CDKN1A: variants seen among roughly 807,000 people sequenced by gnomAD.
The protein encoded by CDKN1A is cyclin dependent kinase inhibitor 1A.
Under a neutral mutation model 14.8 loss-of-function variants are expected in CDKN1A, and 14 were observed. The observed-to-expected ratio is 0.94, with a 90% CI of 0.62 to 1.48. The LOEUF (loss-of-function observed/expected upper bound fraction) is 1.48. Among genes scored for constraint, CDKN1A ranks in the 40% most tolerant of loss-of-function variants. The probability of loss-of-function intolerance (pLI) is 0.00; values close to 1 mark genes in which losing one functional copy is unlikely to be tolerated. For synonymous variants in CDKN1A, 92 were observed against 93.5 expected, an observed-to-expected ratio of 0.98 and a Z score of 0.09; for missense variants, 203 against 231.7, an observed-to-expected ratio of 0.88 and a Z score of 0.80.
At chr6:36,681,616 GC>G (rs1762010935) in intron 1 of CDKN1A, among the ~76,000 whole-genome samples, 1 of 99,076 alleles carries the variant, frequency 1.0e-5, no homozygotes, top group South Asian at 3.7e-4. Context: ...TTTTTGAGAT[GC>G]GGTCTCGCTC....
At chr6:36,681,408 C>CTTTCTTTCTTT (rs1562038520) in intron 1 of CDKN1A, among the ~76,000 whole-genome samples, 1 of 66,542 alleles carries the variant, frequency 1.5e-5, no homozygotes, top group Non-Finnish European at 2.9e-5. Flanking sequence ...TTTCTTTCTT[C>CTTTCTTTCTTT]CTTTCTCTTT....
chr6:36,683,837 T>A (rs1762096263), intron 1 of CDKN1A, among the ~76,000 whole-genome samples: 1 of 152,270 alleles, frequency 6.6e-6, no homozygotes, highest in African/African-American at 2.4e-5. Context: ...TCCTTGCTCT[T>A]GCAATAGACT....
chr6:36,681,291 TC>T (rs1370026998), intron 1 of CDKN1A, among the ~76,000 whole-genome samples: 40 of 115,360 alleles, frequency 3.5e-4, no homozygotes, highest in Non-Finnish European at 1.1e-4. Flanking sequence ...TTTCTTTCTT[TC>T]TTTCTTTCTT....
chr6:36,678,528 T>C (rs532710394), upstream of CDKN1A: 1 of 325,066 alleles, frequency 3.1e-6, no homozygotes, highest in Admixed American at 6.4e-5. This position sits in a 1 kb window ranked among gnomAD's most constrained non-coding sequence, Gnocchi z 5.7. Flanking sequence ...GCACGCGAGG[T>C]TCCGGGACCG....
chr6:36,682,127 A>G (rs551052451), intron 1 of CDKN1A, among the ~76,000 whole-genome samples: 1 of 152,142 alleles, frequency 6.6e-6, no homozygotes, highest in Non-Finnish European at 1.5e-5. Context: ...ACAGCACAGG[A>G]CTCAGGGCAA....
chr6:36,685,866 G>A lies in CDKN1A; in HGVS notation c.*66G>A. ...CTCAAAGGCCCGCTCTACATCTTCT[G>A]CCTTAGTCTCAGTTTGTGTGTCTTA... On this transcript the variant is annotated 3_prime_UTR_variant, in exon 3 of 3. Transcript: ENST00000244741. 1 of 1,386,870 alleles carries A rather than the reference G, an allele frequency of 7.2e-7. No homozygotes were observed. The highest frequency in any genetic ancestry group is 1.0e-6 in the Non-Finnish European group (1 of 974,812). 85.9% of individuals were successfully genotyped at this position (1,386,870 alleles called of 1,614,324 possible). A position where few individuals can be genotyped will look rare whatever the true frequency, so the allele number is the denominator to read the frequency against.
chr6:36,685,405 A>G (rs1047928819), intron 2 of CDKN1A, among the ~76,000 whole-genome samples: 3 of 152,254 alleles, frequency 2.0e-5, no homozygotes, highest in Admixed American at 6.5e-5. Context: ...TTTGACACAC[A>G]GCTCATGTGA....
rs780161958 is a variant in CDKN1A at position 36,681,334 on chromosome 6, T to TTCTTTCTCTTTC, written c.-6+2537_-6+2538insCTTTCTCTTTCT. On this transcript the variant is annotated intron_variant, in intron 1 of 2. Coordinates refer to ENST00000244741, the MANE Select transcript of CDKN1A (RefSeq NM_000389.5). ...TTTCTTTCTTTCTTTCTTTCTTTCTTTTTCTTTCTTTCTTTCTTTTTCTTT... is the reference window on the plus strand; with the variant it reads ...TTTCTTTCTTTCTTTCTTTCTTTCTTTCTTTCTCTTTCTTTCTTTCTTTCTTTCTTTTTCTTT... Among the ~76,000 whole-genome samples the TTCTTTCTCTTTC allele has an allele frequency of 2.3e-4, 20 of 86,058 alleles. 2 individuals are homozygous for TTCTTTCTCTTTC. Among genetic ancestry groups the TTCTTTCTCTTTC allele is most frequent in the Non-Finnish European group, 3.9e-4 (16 of 40,748 alleles). 56.5% of individuals were successfully genotyped at this position (86,058 alleles called of 152,430 possible).
chr6:36,681,684 C>G (rs559919133), intron 1 of CDKN1A, among the ~76,000 whole-genome samples: 1 of 150,612 alleles, frequency 6.6e-6, no homozygotes, highest in Admixed American at 6.6e-5. Flanking sequence ...GCTCCGCCTC[C>G]CGGGTTCACG....
rs746781060 is a variant in CDKN1A at position 36,684,499 on chromosome 6, G to T, written c.398G>T (p.Gly133Val). 6 of 1,614,212 alleles carry T rather than the reference G, an allele frequency of 3.7e-6. No homozygotes were observed. Residue 133 changes from glycine (G) to valine (V), a missense_variant, in exon 2 of 3, where the codon GGA becomes GTA. By Grantham distance (109) the Gly-to-Val change is moderately radical. Transcript: ENST00000244741. The surrounding 1 kb of genome is among the most constrained non-coding windows in gnomAD (Gnocchi z 6.0). ...GAGCAGGCTGAAGGGTCCCCAGGTG[G>T]ACCTGGAGACTCTCAGGGTCGAAAA... ...SGEQAEGSPG[G>V]PGDSQGRKRR...
intron 1 of CDKN1A, among the ~76,000 whole-genome samples, chr6:36,681,344 T>TTC (rs1257785587): frequency 4.0e-4 from 51 of 127,872 alleles, no homozygotes; most frequent in East Asian, 3.2e-3. Context: ...TTTTCTTTCT[T>TTC]TCTTTCTTTT....
At chr6:36,681,725 T>C (rs1252820750) in intron 1 of CDKN1A, among the ~76,000 whole-genome samples, 2 of 151,188 alleles carry the variant, frequency 1.3e-5, no homozygotes, top group East Asian at 3.9e-4. Flanking sequence ...CCCGAGTAGC[T>C]GGGACTACAG....
Position 36,680,316 on chromosome 6 carries a change from G to GTA in CDKN1A, c.-6+1519_-6+1520insAT, listed in dbSNP as rs1554185238. 6.2e-5 allele frequency among the ~76,000 whole-genome samples: 9 copies of GTA among 144,770 alleles called. No individual in the cohort carries two copies. In the East Asian group the frequency reaches 1.8e-3, roughly 29 times the overall value. 95.0% of individuals were successfully genotyped at this position (144,770 alleles called of 152,430 possible). On this transcript the variant is annotated intron_variant, in intron 1 of 2. Coordinates refer to ENST00000244741, the MANE Select transcript of CDKN1A (RefSeq NM_000389.5). ...TGCGTGTCTGCGCGGGCGTGTGTGT[G>GTA]TGTGTGTGTGTGTGTGTGTGTGTGT...
At position 36,684,593 on chromosome 6, in the gene CDKN1A, A is replaced by C. The variant is rs1052953513; in HGVS notation, c.445+47A>C. On this transcript the variant is annotated intron_variant, in intron 2 of 2. Transcript: ENST00000244741. The surrounding 1 kb of genome is among the most constrained non-coding windows in gnomAD (Gnocchi z 6.0). ...GACTTTGTAAGGGACCAGGATTCTC[A>C]GAATCCATGGTCCAAGGGCTGACCT... is the stretch of plus-strand genomic sequence containing the variant. 2.6e-4 allele frequency: 397 copies of C among 1,551,320 alleles called. No homozygotes were observed. The highest frequency in any genetic ancestry group is 3.3e-4 in the Middle Eastern group (2 of 5,988).
chr6:36,679,145 T>G lies in CDKN1A; in HGVS notation c.-6+347T>G, dbSNP rs141318160. Among the ~76,000 whole-genome samples the G allele has an allele frequency of 5.1e-3, 773 of 152,260 alleles. 8 individuals carry two copies. The highest frequency in any genetic ancestry group is 0.017 in the African/African-American group (715 of 41,552). ...ACGGGACCGTTCTGGGAGCTCGCCT[T>G]TGGCTGCGGTTGGCTCCAGGCCCCA... is the stretch of plus-strand genomic sequence containing the variant. On this transcript the variant is annotated intron_variant, in intron 1 of 2. Coordinates refer to ENST00000244741, the MANE Select transcript of CDKN1A (RefSeq NM_000389.5).
chr6:36,677,174 C>T (rs3829966), upstream of CDKN1A, among the ~76,000 whole-genome samples: 12,072 of 152,096 alleles, frequency 0.079, 656 homozygotes, highest in Middle Eastern at 0.12. Context: ...GAGGCTGTGC[C>T]GTGGCCTTTC....
Position 36,684,959 on chromosome 6 carries a change from G to T in CDKN1A, c.445+413G>T, listed in dbSNP as rs1210075961. 6.6e-6 allele frequency among the ~76,000 whole-genome samples: 1 copy of T among 152,096 alleles called. No individual in the cohort carries two copies. Among genetic ancestry groups the T allele is most frequent in the African/African-American group, 2.4e-5 (1 of 41,430 alleles). Reference sequence around the variant, plus strand: ...CGATCTTCCTACCTCAGCCTCCTGGGTAGCTGGGAAGCTGGGACTATAGTT... The same window carrying T: ...CGATCTTCCTACCTCAGCCTCCTGGTTAGCTGGGAAGCTGGGACTATAGTT... On this transcript the variant is annotated intron_variant, in intron 2 of 2. Transcript: ENST00000244741. The surrounding 1 kb of genome is among the most constrained non-coding windows in gnomAD (Gnocchi z 6.0).
rs191000568 is a variant in CDKN1A at position 36,686,830 on chromosome 6, G to T, written c.*1030G>T. The T allele has an allele frequency of 2.6e-3, 613 of 233,856 alleles. 12 individuals are homozygous for T. The highest frequency in any genetic ancestry group is 0.01 in the Middle Eastern group (8 of 786). 14.5% of individuals were successfully genotyped at this position (233,856 alleles called of 1,614,324 possible). A position where few individuals can be genotyped will look rare whatever the true frequency, so the allele number is the denominator to read the frequency against. On this transcript the variant is annotated 3_prime_UTR_variant, in exon 3 of 3. Coordinates refer to ENST00000244741, the MANE Select transcript of CDKN1A (RefSeq NM_000389.5). This position sits in a 1 kb window ranked among gnomAD's most constrained non-coding sequence, Gnocchi z 4.9. The stretch of plus-strand genomic sequence containing the variant: ...GTGGTGGCACAGGCCCCCTTGAGTG[G>T]GGTTATCTCTGTGTTAGGGGTATAT...
upstream of CDKN1A, chr6:36,677,823 A>T: frequency 1.3e-5 from 17 of 1,308,534 alleles, no homozygotes; most frequent in Non-Finnish European, 1.7e-5. Flanking sequence ...TTTCCCCAGC[A>T]GTGTATACGG....
Sources: allele counts gnomAD v4.1 joint callset (sites outside exome capture counted in the v4.1 genomes callset), GRCh38; gene constraint gnomAD v4.1.1; non-coding constraint Gnocchi (gnomAD v3.1); transcripts MANE v1.5; gene names NCBI Gene and HGNC (gene_info 2026-07-23, HGNC 2026-07-21).